Variants in ANKS1B observed in about 807,000 individuals in gnomAD.
ANKS1B encodes ankyrin repeat and sterile alpha motif domain-containing protein 1B.
In ANKS1B, 36 loss-of-function variants were observed where a neutral mutation model predicts 148.3. The observed-to-expected ratio is 0.24, with a 90% CI of 0.19 to 0.32. ANKS1B has a LOEUF of 0.32. Ranked by LOEUF, ANKS1B falls within the 10% of genes least tolerant of loss-of-function variation. The probability of loss-of-function intolerance (pLI) is 1.00; values close to 1 mark genes in which losing one functional copy is unlikely to be tolerated. For missense variants in ANKS1B, 1,157 were observed against 1,542.6 expected (o/e 0.75, Z 4.19); for synonymous variants, 542 against 560.8 (o/e 0.97, Z 0.47).
chr12:99,688,527 C>T (rs765633296), intron 8 of ANKS1B, among the ~76,000 whole-genome samples: 16 of 152,068 alleles, frequency 1.1e-4, no homozygotes, highest in South Asian at 2.1e-4. Flanking sequence ...TGATCGTTTT[C>T]GGAAAATATC....
chr12:99,612,558 CA>C (rs2097911837), intron 9 of ANKS1B, among the ~76,000 whole-genome samples: 1 of 152,090 alleles, frequency 6.6e-6, no homozygotes, highest in Non-Finnish European at 1.5e-5. Context: ...CCAAAATCCG[CA>C]ATGTCTGAGC....
chr12:99,317,014 G>A (rs576405706), intron 12 of ANKS1B, among the ~76,000 whole-genome samples: 52 of 152,206 alleles, frequency 3.4e-4, no homozygotes, highest in African/African-American at 1.3e-3. Context: ...ACTCTGCTCT[G>A]TTCCATTGGT....
chr12:99,004,306 C>A (rs1248923103), intron 17 of ANKS1B, among the ~76,000 whole-genome samples: 2 of 152,064 alleles, frequency 1.3e-5, no homozygotes, highest in Non-Finnish European at 2.9e-5. Flanking sequence ...TGACTTCAAG[C>A]AAGTTACTTT....
chr12:99,490,714 T>C (rs1302630954), intron 10 of ANKS1B, among the ~76,000 whole-genome samples: 1 of 152,222 alleles, frequency 6.6e-6, no homozygotes, highest in Non-Finnish European at 1.5e-5. Flanking sequence ...TTTTTAAACA[T>C]ACAGTGTGAC....
At chr12:99,544,504 C>T (rs562701811) in intron 9 of ANKS1B, among the ~76,000 whole-genome samples, 15 of 152,170 alleles carry the variant, frequency 9.9e-5, no homozygotes, top group East Asian at 3.9e-4. Context: ...GTTTCAAGAA[C>T]GAAACAAAAT....
chr12:99,651,212 G>A (rs1029263093), intron 9 of ANKS1B, among the ~76,000 whole-genome samples: 2 of 151,984 alleles, frequency 1.3e-5, no homozygotes, highest in Non-Finnish European at 2.9e-5. Flanking sequence ...CTCCAAAAGT[G>A]CTTCAGACCT....
At chr12:99,462,688 T>C (rs541367435) in intron 10 of ANKS1B, among the ~76,000 whole-genome samples, 1 of 152,334 alleles carries the variant, frequency 6.6e-6, no homozygotes, top group South Asian at 2.1e-4. Context: ...ATGGTTTGTA[T>C]ACTTGTCTCC....
At chr12:99,696,175 T>C (rs751993276) in intron 8 of ANKS1B, among the ~76,000 whole-genome samples, 6 of 152,216 alleles carry the variant, frequency 3.9e-5, no homozygotes, top group Admixed American at 6.5e-5. Context: ...AATTAATACA[T>C]ATATGGTTCG....
chr12:99,710,043 GC>G (rs2056414044), intron 8 of ANKS1B, among the ~76,000 whole-genome samples: 2 of 152,020 alleles, frequency 1.3e-5, no homozygotes, highest in South Asian at 4.2e-4. Context: ...CCATAATGGG[GC>G]TCATTCATTT....
chr12:99,929,554 A>G (rs1212580389), intron 1 of ANKS1B, among the ~76,000 whole-genome samples: 1 of 152,120 alleles, frequency 6.6e-6, no homozygotes, highest in Admixed American at 6.5e-5. Context: ...TTGGTGTTTT[A>G]GACATGAAGT....
At chr12:99,953,038 G>A (rs1017113891) in intron 1 of ANKS1B, among the ~76,000 whole-genome samples, 4 of 152,144 alleles carry the variant, frequency 2.6e-5, no homozygotes, top group African/African-American at 9.7e-5. Flanking sequence ...AAACACAGGT[G>A]AAGCTCAAGA....
chr12:99,535,556 C>G (rs190017929), intron 9 of ANKS1B, among the ~76,000 whole-genome samples: 1 of 152,304 alleles, frequency 6.6e-6, no homozygotes, highest in African/African-American at 2.4e-5. Flanking sequence ...TCTAGCATAG[C>G]GCTGTATATC....
intron 14 of ANKS1B, among the ~76,000 whole-genome samples, chr12:99,206,601 G>T (rs1399277753): frequency 6.6e-6 from 1 of 152,084 alleles, no homozygotes; most frequent in Non-Finnish European, 1.5e-5. Context: ...CTTCCACCCC[G>T]AAGGTAAAAA....
chr12:99,245,123 A>C (rs1030031368), intron 13 of ANKS1B, among the ~76,000 whole-genome samples: 3 of 152,096 alleles, frequency 2.0e-5, no homozygotes, highest in Non-Finnish European at 4.4e-5. Context: ...CCAAAGTGCT[A>C]GGATTACAGG....
chr12:99,224,354 A>T (rs1419291011), intron 14 of ANKS1B, among the ~76,000 whole-genome samples: 1 of 152,126 alleles, frequency 6.6e-6, no homozygotes, highest in Non-Finnish European at 1.5e-5. Flanking sequence ...TGTAATCCCC[A>T]GTGTTGGAGG....
At chr12:99,056,233 A>G (rs535933570) in intron 16 of ANKS1B, among the ~76,000 whole-genome samples, 4 of 152,340 alleles carry the variant, frequency 2.6e-5, no homozygotes, top group Non-Finnish European at 4.4e-5. Flanking sequence ...AAATATGCAA[A>G]CAGATGACCA....
chr12:99,418,342 G>A (rs1442955288), intron 11 of ANKS1B, among the ~76,000 whole-genome samples: 8 of 152,226 alleles, frequency 5.3e-5, no homozygotes, highest in African/African-American at 1.9e-4. Flanking sequence ...TTGGATAAAA[G>A]TGTTAGATTT....
chr12:99,652,822 T>C (rs2153440347), intron 9 of ANKS1B, among the ~76,000 whole-genome samples: 1 of 152,056 alleles, frequency 6.6e-6, no homozygotes. Context: ...GGAATATGAG[T>C]TATTGTTCAA....
At chr12:98,873,381 C>T (rs571412747) in intron 17 of ANKS1B, among the ~76,000 whole-genome samples, 2 of 152,304 alleles carry the variant, frequency 1.3e-5, no homozygotes, top group African/African-American at 2.4e-5. Context: ...ATAAAATGAT[C>T]TCCATTCCTA....
Sources: allele counts gnomAD v4.1 joint callset (sites outside exome capture counted in the v4.1 genomes callset), GRCh38; gene constraint gnomAD v4.1.1; transcripts MANE v1.5; gene names NCBI Gene and HGNC (gene_info 2026-07-23, HGNC 2026-07-21).